Variants in FARS2 observed in about 807,000 individuals in gnomAD.
The protein encoded by FARS2 is phenylalanyl-tRNA synthetase 2, mitochondrial.
A neutral mutation model predicts 46.4 loss-of-function variants in FARS2; 40 were observed. The observed-to-expected ratio is 0.86, with a 90% confidence interval of 0.67 to 1.12. The LOEUF (loss-of-function observed/expected upper bound fraction) is 1.12, where lower values mean the gene tolerates loss of function less well. FARS2 is among the 50% of genes most tolerant of loss of function. The pLI is 0.00. For synonymous variants in FARS2, 234 were observed against 214.9 expected (o/e 1.09, Z -0.78); for missense variants, 513 against 567.9 (o/e 0.90, Z 0.98).
At chr6:5,431,721 C>G (rs1336768238) in intron 4 of FARS2, 1 of 530,964 alleles carries the variant, frequency 1.9e-6, no homozygotes, top group African/African-American at 1.9e-5. Context: ...TGATTGAATT[C>G]TACGCATATC....
At chr6:5,487,306 C>T (rs187349750) in intron 4 of FARS2, among the ~76,000 whole-genome samples, 3 of 152,222 alleles carry the variant, frequency 2.0e-5, no homozygotes. Context: ...CTCCATAACC[C>T]CATGACTGTA....
At chr6:5,739,244 C>T (rs1761156050) in intron 6 of FARS2, among the ~76,000 whole-genome samples, 1 of 151,570 alleles carries the variant, frequency 6.6e-6, no homozygotes, top group South Asian at 2.1e-4. Context: ...GCCTGTAATC[C>T]CAGTGCTCTG....
chr6:5,577,357 AGT>A (rs61361841), intron 5 of FARS2, among the ~76,000 whole-genome samples: 85,650 of 150,940 alleles, frequency 0.57, 24,244 homozygotes, highest in Middle Eastern at 0.61. Context: ...AGAGAGAGTG[AGT>A]GTGTGTGTGT....
At chr6:5,538,701 T>G (rs1388994484) in intron 4 of FARS2, among the ~76,000 whole-genome samples, 1 of 152,188 alleles carries the variant, frequency 6.6e-6, no homozygotes, top group African/African-American at 2.4e-5. Flanking sequence ...CAGTATTGTC[T>G]TACTGATGGA....
At chr6:5,259,298 A>T (rs544560632), upstream of FARS2, among the ~76,000 whole-genome samples, 2 of 152,186 alleles carry the variant, frequency 1.3e-5, no homozygotes, top group Non-Finnish European at 2.9e-5. Context: ...TCCTCAACAG[A>T]CTTGGTTAAG....
chr6:5,382,515 AT>A (rs2127671747), intron 2 of FARS2, among the ~76,000 whole-genome samples: 1 of 152,350 alleles, frequency 6.6e-6, no homozygotes, highest in South Asian at 2.1e-4. Context: ...TATTGATTCT[AT>A]CATGTCAATT....
intron 4 of FARS2, among the ~76,000 whole-genome samples, chr6:5,434,308 C>T (rs890395745): frequency 6.6e-6 from 1 of 152,068 alleles, no homozygotes; most frequent in African/African-American, 2.4e-5. Context: ...GATTGGAGTT[C>T]ACCATGTTGG....
intron 3 of FARS2, among the ~76,000 whole-genome samples, chr6:5,413,296 G>A (rs77536574): frequency 0.021 from 3,180 of 152,250 alleles, 57 homozygotes; most frequent in South Asian, 0.067. Context: ...AATTGAAATT[G>A]TTTGGGGTTT....
intron 3 of FARS2, among the ~76,000 whole-genome samples, chr6:5,412,279 G>T (rs554777262): frequency 6.6e-6 from 1 of 152,186 alleles, no homozygotes; most frequent in African/African-American, 2.4e-5. Flanking sequence ...GCCCACATCC[G>T]AAGACTGAAT....
chr6:5,335,408 A>G (rs189918554), intron 1 of FARS2, among the ~76,000 whole-genome samples: 1 of 152,308 alleles, frequency 6.6e-6, no homozygotes, highest in East Asian at 1.9e-4. Context: ...CAGTATTGAA[A>G]GCTTACTATA....
chr6:5,423,634 G>A (rs1762685027), intron 3 of FARS2, among the ~76,000 whole-genome samples: 1 of 152,120 alleles, frequency 6.6e-6, no homozygotes, highest in East Asian at 1.9e-4. Context: ...AATATCTTCT[G>A]TATGCTTGGG....
rs148384169 is a variant in FARS2, at chr6:5,284,494, C to G, written c.-22+22834C>G. ...GCAATCCACCACCTGCTCTGGCTGT[C>G]GTGCAGTGTTCTTCCATGGCTTCTG... is the stretch of plus-strand genomic sequence containing the variant. On this transcript the variant is annotated intron_variant, in intron 1 of 6. Coordinates refer to ENST00000274680, the MANE Select transcript of FARS2 (RefSeq NM_006567.5). Among the ~76,000 whole-genome samples, 9 of 152,204 alleles carry G rather than the reference C, an allele frequency of 5.9e-5. No individual in the cohort carries two copies. The South Asian group carries it at 1.5e-3, about 25-fold the overall frequency.
At chr6:5,339,433 C>CTT (rs879580170) in intron 1 of FARS2, among the ~76,000 whole-genome samples, 101 of 144,558 alleles carry the variant, frequency 7.0e-4, no homozygotes, top group Admixed American at 1.3e-3. Context: ...CAGGAGACTT[C>CTT]TTTTTTTTTT....
At chr6:5,304,060 T>A (rs1021168472) in intron 1 of FARS2, among the ~76,000 whole-genome samples, 9 of 152,116 alleles carry the variant, frequency 5.9e-5, no homozygotes, top group Non-Finnish European at 1.3e-4. Context: ...ATCCTTGAGA[T>A]CAAAGCATGC....
At chr6:5,284,064 C>G (rs1392869094) in intron 1 of FARS2, among the ~76,000 whole-genome samples, 1 of 152,188 alleles carries the variant, frequency 6.6e-6, no homozygotes, top group Non-Finnish European at 1.5e-5. Context: ...ATAGTGTTAT[C>G]AAACAATTTG....
chr6:5,576,634 C>CATATATTATATATATGAT lies in FARS2; in HGVS notation c.1065+31300_1065+31301insTATATATATGATATATAT, dbSNP rs75665515. 8.4e-3 allele frequency among the ~76,000 whole-genome samples: 1,220 copies of CATATATTATATATATGAT among 145,764 alleles called. 9 individuals are homozygous for CATATATTATATATATGAT. The highest frequency in any genetic ancestry group is 0.016 in the South Asian group (76 of 4,698). Reference sequence around the variant, plus strand: ...ATATAAAGTATATATCATATATTAACATATATATATATCCTATTAGTTCTG... The same window carrying CATATATTATATATATGAT: ...ATATAAAGTATATATCATATATTAACATATATTATATATATGATATATATATATATCCTATTAGTTCTG... On this transcript the variant is annotated intron_variant, in intron 5 of 6. Transcript: ENST00000274680.
At chr6:5,721,326 A>G (rs1270043502) in intron 6 of FARS2, among the ~76,000 whole-genome samples, 1 of 152,182 alleles carries the variant, frequency 6.6e-6, no homozygotes, top group East Asian at 1.9e-4. Context: ...TTGTTAGAAA[A>G]GGGAAAAGTG....
intron 4 of FARS2, among the ~76,000 whole-genome samples, chr6:5,505,043 T>C (rs1166025157): frequency 1.3e-5 from 2 of 152,224 alleles, no homozygotes; most frequent in African/African-American, 4.8e-5. Flanking sequence ...TCCATGATTA[T>C]GAGAAAACCA....
chr6:5,673,357 A>C (rs1479649978), intron 6 of FARS2, among the ~76,000 whole-genome samples: 1 of 152,202 alleles, frequency 6.6e-6, no homozygotes, highest in Non-Finnish European at 1.5e-5. Flanking sequence ...GCCATCAGAA[A>C]GACTCGTTCG....
Sources: gnomAD v4.1 joint callset for allele counts (sites outside exome capture counted in the v4.1 genomes callset) on GRCh38, gnomAD v4.1.1 for gene constraint, MANE v1.5 for transcripts, NCBI Gene and HGNC (gene_info 2026-07-23, HGNC 2026-07-21) for gene names.